FOXP1: variants seen among roughly 807,000 people sequenced by gnomAD.
The protein encoded by FOXP1 is forkhead box P1.
FOXP1 carries 15 observed loss-of-function variants against 98.2 expected under a neutral mutation model. That is an observed-to-expected ratio of 0.15 (90% confidence interval 0.10 to 0.24). The LOEUF (loss-of-function observed/expected upper bound fraction) is 0.24, where lower values mean the gene tolerates loss of function less well. Among genes scored for constraint, FOXP1 ranks in the 10% least tolerant of loss-of-function variants. FOXP1 has a pLI of 1.00. For synonymous variants in FOXP1, 371 were observed against 314.5 expected, an observed-to-expected ratio of 1.18 and a Z score of -1.90; for missense variants, 633 against 848.5, an observed-to-expected ratio of 0.75 and a Z score of 3.15.
intron 6 of FOXP1, among the ~76,000 whole-genome samples, chr3:71,171,577 T>C (rs1162371898): frequency 6.6e-6 from 1 of 152,228 alleles, no homozygotes; most frequent in African/African-American, 2.4e-5. Context: ...AGAGTGTGCA[T>C]GTAGATTATA....
chr3:71,413,262 A>G (rs2082928054), intron 3 of FOXP1, among the ~76,000 whole-genome samples: 1 of 101,350 alleles, frequency 9.9e-6, no homozygotes, highest in Non-Finnish European at 1.8e-5. Flanking sequence ...CCAAATAGAC[A>G]CACACACACA....
At chr3:71,509,164 C>T (rs561128477) in intron 2 of FOXP1, among the ~76,000 whole-genome samples, 1 of 152,306 alleles carries the variant, frequency 6.6e-6, no homozygotes, top group Admixed American at 6.5e-5. Flanking sequence ...GAAGCATGCC[C>T]TTGTGCAGAT....
At chr3:71,240,179 C>A (rs1360249463) in intron 5 of FOXP1, among the ~76,000 whole-genome samples, 6 of 152,224 alleles carry the variant, frequency 3.9e-5, no homozygotes, top group Admixed American at 1.3e-4. Flanking sequence ...GGCCTATGAC[C>A]CTTTTAAAAA....
chr3:71,011,203 C>T (rs558379648), intron 12 of FOXP1, among the ~76,000 whole-genome samples: 13 of 152,278 alleles, frequency 8.5e-5, no homozygotes, highest in African/African-American at 2.9e-4. Flanking sequence ...TGCTACTTTA[C>T]AATATTCATT....
intron 9 of FOXP1, among the ~76,000 whole-genome samples, chr3:71,050,162 C>T (rs1268262894): frequency 1.3e-5 from 2 of 152,164 alleles, no homozygotes; most frequent in African/African-American, 2.4e-5. Flanking sequence ...ACTCAGGGAC[C>T]ACTATCATCT....
chr3:71,345,748 C>CTTCAGTGCAGAAA (rs1418779726), intron 4 of FOXP1, among the ~76,000 whole-genome samples: 1 of 151,760 alleles, frequency 6.6e-6, no homozygotes, highest in Non-Finnish European at 1.5e-5. Context: ...AGGCGGCATT[C>CTTCAGTGCAGAAA]TTCAGTGCAG....
At position 71,582,447 on chromosome 3, in the gene FOXP1, G is replaced by C. The variant is rs1226294472; in HGVS notation, c.-446-750C>G. The C allele has an allele frequency of 9.1e-6, 9 of 985,230 alleles. No individual in the cohort carries two copies. In the African/African-American group the frequency reaches 1.2e-4, roughly 13 times the overall value. The allele number at this position is 985,230 out of a possible 1,614,324, so 61.0% of individuals were successfully genotyped here. ...CTCGCTGGCTCCAGGGAGTCGTCTCGGCGGGACAGGAATAGAGCGCAGGGA... is the reference window on the plus strand; with the variant it reads ...CTCGCTGGCTCCAGGGAGTCGTCTCCGCGGGACAGGAATAGAGCGCAGGGA... On this transcript the variant is annotated intron_variant, in intron 1 of 20. Coordinates refer to ENST00000649528, the MANE Select transcript of FOXP1 (RefSeq NM_001349338.3).
chr3:71,545,919 G>C (rs1374774441), intron 2 of FOXP1, among the ~76,000 whole-genome samples: 4 of 152,146 alleles, frequency 2.6e-5, no homozygotes, highest in Admixed American at 2.6e-4. Context: ...CATGGGCACA[G>C]GTTTCCAGAA....
At chr3:71,441,011 T>C (rs2085885760) in intron 3 of FOXP1, among the ~76,000 whole-genome samples, 1 of 152,228 alleles carries the variant, frequency 6.6e-6, no homozygotes, top group Non-Finnish European at 1.5e-5. Context: ...AATTCTCTTT[T>C]TCTGTCAGCT....
intron 6 of FOXP1, among the ~76,000 whole-genome samples, chr3:71,183,549 T>G (rs1176250621): frequency 6.6e-6 from 1 of 152,140 alleles, no homozygotes; most frequent in Non-Finnish European, 1.5e-5. Flanking sequence ...TGCAGACAAT[T>G]TACCATGTGG....
intron 6 of FOXP1, among the ~76,000 whole-genome samples, chr3:71,172,779 C>A (rs756455192): frequency 1.3e-5 from 2 of 152,122 alleles, no homozygotes; most frequent in Non-Finnish European, 2.9e-5. Flanking sequence ...TGGGAAATTT[C>A]GTTAGCTGCC....
intron 13 of FOXP1, among the ~76,000 whole-genome samples, chr3:70,989,309 T>A (rs1354507182): frequency 1.3e-5 from 2 of 151,912 alleles, no homozygotes; most frequent in Non-Finnish European, 1.5e-5. Context: ...TGATTTTTTT[T>A]TTCTTTTTAT....
chr3:71,024,490 C>T lies in FOXP1; in HGVS notation c.870-8837G>A, dbSNP rs1302974303. Among the ~76,000 whole-genome samples the T allele has an allele frequency of 2.0e-5, 3 of 152,290 alleles. No homozygotes were observed. In the East Asian group the frequency reaches 5.8e-4, roughly 29 times the overall value. On this transcript the variant is annotated intron_variant, in intron 11 of 20. Coordinates refer to ENST00000649528, the MANE Select transcript of FOXP1 (RefSeq NM_001349338.3). ...TGTTTTATTAAAGCCTATTAAAGGG[C>T]CTACCCTAGAGTGAATAAGGATGGA...
chr3:71,067,934 T>TA (rs5849980), intron 7 of FOXP1, among the ~76,000 whole-genome samples: 35,144 of 118,880 alleles, frequency 0.3, 5,205 homozygotes, highest in East Asian at 0.59. Context: ...AAAAATAAAA[T>TA]AAAAAAAAAA....
intron 2 of FOXP1, among the ~76,000 whole-genome samples, chr3:71,579,123 T>A (rs934462467): frequency 1.3e-5 from 2 of 152,238 alleles, no homozygotes; most frequent in Non-Finnish European, 1.5e-5. Context: ...AAAAATATAA[T>A]CCTTAAATGA....
At chr3:71,428,557 T>C (rs28728260) in intron 3 of FOXP1, among the ~76,000 whole-genome samples, 54,140 of 152,162 alleles carry the variant, frequency 0.36, 11,304 homozygotes, top group Non-Finnish European at 0.47. Context: ...ACAAGTCTTG[T>C]TCAGAGGCCT....
chr3:71,100,577 TG>T (rs2056865560), intron 7 of FOXP1, among the ~76,000 whole-genome samples: 1 of 152,214 alleles, frequency 6.6e-6, no homozygotes, highest in Non-Finnish European at 1.5e-5. Context: ...TCACATCATG[TG>T]GTTTTTAGTT....
intron 14 of FOXP1, among the ~76,000 whole-genome samples, chr3:70,982,165 G>GC (rs954431908): frequency 4.3e-4 from 65 of 152,040 alleles, no homozygotes; most frequent in Non-Finnish European, 2.6e-4. Context: ...AAAAAAGAGT[G>GC]CCCCCCCAAA....
At chr3:71,126,338 A>T (rs1299979770) in intron 6 of FOXP1, among the ~76,000 whole-genome samples, 2 of 150,792 alleles carry the variant, frequency 1.3e-5, no homozygotes, top group African/African-American at 4.9e-5. Context: ...CAAAAAAAAA[A>T]ATTAGCCAGG....
Sources: allele counts gnomAD v4.1 joint callset (sites outside exome capture counted in the v4.1 genomes callset), GRCh38; gene constraint gnomAD v4.1.1; transcripts MANE v1.5; gene names NCBI Gene and HGNC (gene_info 2026-07-23, HGNC 2026-07-21).